OR9Q1: variants seen among roughly 807,000 people sequenced by gnomAD.
OR9Q1 encodes olfactory receptor 9Q1.
For synonymous variants in OR9Q1, 153 were observed against 148.6 expected (o/e 1.03, Z -0.22); for missense variants, 374 against 378.8 (o/e 0.99, Z 0.11).
At chr11:58,170,396 C>T (rs2119946234) in intron 2 of OR9Q1, among the ~76,000 whole-genome samples, 1 of 152,212 alleles carries the variant, frequency 6.6e-6, no homozygotes, top group South Asian at 2.1e-4. Flanking sequence ...TATAAACTCT[C>T]TGCTTCCTTT....
At chr11:58,141,361 T>C (rs1423884183) in intron 2 of OR9Q1, among the ~76,000 whole-genome samples, 1 of 152,212 alleles carries the variant, frequency 6.6e-6, no homozygotes, top group African/African-American at 2.4e-5. Context: ...GGGTTTGTCA[T>C]AGACAGCTCT....
intron 1 of OR9Q1, among the ~76,000 whole-genome samples, chr11:58,033,991 A>G (rs1853069230): frequency 6.6e-6 from 1 of 150,968 alleles, no homozygotes; most frequent in African/African-American, 2.4e-5. Context: ...TTAAGGATGC[A>G]AGTTTATTCT....
At chr11:58,154,008 G>C (rs888894858) in intron 2 of OR9Q1, among the ~76,000 whole-genome samples, 2 of 151,934 alleles carry the variant, frequency 1.3e-5, no homozygotes, top group African/African-American at 4.8e-5. Context: ...AGTCTTAAGA[G>C]GAGAGAAAAG....
At chr11:58,146,581 G>T (rs115672201) in intron 2 of OR9Q1, among the ~76,000 whole-genome samples, 394 of 152,248 alleles carry the variant, frequency 2.6e-3, no homozygotes, top group African/African-American at 9.1e-3. Flanking sequence ...CCATTGCACA[G>T]TTAATTAATT....
chr11:58,179,024 G>GAGAC (rs1205207877), intron 2 of OR9Q1, among the ~76,000 whole-genome samples: 1 of 148,450 alleles, frequency 6.7e-6, no homozygotes, highest in Non-Finnish European at 1.5e-5. Context: ...GAGAGAGAGA[G>GAGAC]AGAGAGAGAG....
At chr11:58,046,460 G>C (rs1853217496) in intron 1 of OR9Q1, among the ~76,000 whole-genome samples, 1 of 152,206 alleles carries the variant, frequency 6.6e-6, no homozygotes, top group Non-Finnish European at 1.5e-5. Context: ...ATAGAGGTAT[G>C]TGAAAAATGC....
chr11:58,131,593 A>C (rs1335815942), intron 2 of OR9Q1, among the ~76,000 whole-genome samples: 2 of 152,032 alleles, frequency 1.3e-5, no homozygotes, highest in Non-Finnish European at 2.9e-5. Flanking sequence ...CCTTTACCTA[A>C]GAGTTTTGAG....
At chr11:58,120,432 TC>T (rs1226195905) in intron 2 of OR9Q1, among the ~76,000 whole-genome samples, 2 of 152,102 alleles carry the variant, frequency 1.3e-5, no homozygotes, top group Non-Finnish European at 2.9e-5. Flanking sequence ...AAATTTATTA[TC>T]TTTTTTTGAA....
chr11:58,067,234 C>T (rs1853438662), intron 2 of OR9Q1, among the ~76,000 whole-genome samples: 1 of 152,048 alleles, frequency 6.6e-6, no homozygotes, highest in Non-Finnish European at 1.5e-5. Context: ...GACAGGGTTT[C>T]ACCGTGTTAG....
intron 1 of OR9Q1, among the ~76,000 whole-genome samples, chr11:58,039,179 G>A (rs553216996): frequency 9.9e-4 from 150 of 152,156 alleles, no homozygotes; most frequent in Non-Finnish European, 1.7e-3. Flanking sequence ...TAGTAGAGAT[G>A]GGCTTTCACC....
chr11:58,041,798 T>TC (rs1156766336), intron 1 of OR9Q1: 3 of 152,192 alleles, frequency 2.0e-5, no homozygotes, highest in Non-Finnish European at 4.4e-5. Flanking sequence ...TTGGTGCATT[T>TC]CAGTCTCAAT....
At chr11:58,070,396 A>T (rs575971837) in intron 2 of OR9Q1, among the ~76,000 whole-genome samples, 49 of 152,218 alleles carry the variant, frequency 3.2e-4, no homozygotes, top group South Asian at 1.5e-3. Flanking sequence ...GAAGCTTAAA[A>T]GTAGTCCTGG....
intron 2 of OR9Q1, among the ~76,000 whole-genome samples, chr11:58,101,686 C>T (rs1416283909): frequency 6.6e-6 from 1 of 152,066 alleles, no homozygotes; most frequent in Non-Finnish European, 1.5e-5. Flanking sequence ...GTTTTGGGGT[C>T]TTAGTCATAA....
rs1353302311 is a variant in OR9Q1 at position 58,097,176 on chromosome 11, A to T, written c.-15+41229A>T. 2.0e-5 allele frequency among the ~76,000 whole-genome samples: 3 copies of T among 151,992 alleles called. No individual in the cohort carries two copies. The East Asian group carries it at 5.8e-4, about 29-fold the overall frequency. On this transcript the variant is annotated intron_variant, in intron 2 of 2. Transcript: ENST00000335397. ...TTCATTCAACATAATATTTTTTGAGATTTGCCCATGTCGTTGTATGTATAA... is the reference window on the plus strand; with the variant it reads ...TTCATTCAACATAATATTTTTTGAGTTTTGCCCATGTCGTTGTATGTATAA...
intron 2 of OR9Q1, among the ~76,000 whole-genome samples, chr11:58,143,879 T>C (rs554697432): frequency 6.6e-6 from 1 of 152,016 alleles, no homozygotes; most frequent in African/African-American, 2.4e-5. Context: ...AAAATAAAAA[T>C]AAAAACAATA....
intron 2 of OR9Q1, among the ~76,000 whole-genome samples, chr11:58,161,575 A>C (rs1854458408): frequency 6.8e-6 from 1 of 146,068 alleles, no homozygotes; most frequent in Non-Finnish European, 1.5e-5. Flanking sequence ...ACAGAGCCTT[A>C]CTCTGTCACC....
At chr11:58,117,614 G>A (rs1853969534) in intron 2 of OR9Q1, 1 of 152,150 alleles carries the variant, frequency 6.6e-6, no homozygotes, top group South Asian at 2.1e-4. Context: ...ATTAGAGAAG[G>A]TAATATGGGG....
chr11:58,091,962 C>T (rs537561426), intron 2 of OR9Q1, among the ~76,000 whole-genome samples: 369 of 150,226 alleles, frequency 2.5e-3, no homozygotes, highest in Non-Finnish European at 4.3e-3. Flanking sequence ...AGGATTGCAA[C>T]CCTTGCCTTT....
chr11:58,094,666 G>A (rs1853714065), intron 2 of OR9Q1, among the ~76,000 whole-genome samples: 1 of 152,156 alleles, frequency 6.6e-6, no homozygotes, highest in South Asian at 2.1e-4. Flanking sequence ...CCATTTCACT[G>A]TGTCCAAAAT....
Sources: allele counts gnomAD v4.1 joint callset (sites outside exome capture counted in the v4.1 genomes callset), GRCh38; gene constraint gnomAD v4.1.1; transcripts MANE v1.5; gene names NCBI Gene and HGNC (gene_info 2026-07-23, HGNC 2026-07-21).